NAV2: variants seen among roughly 807,000 people sequenced by gnomAD.
NAV2 encodes the protein neuron navigator 2.
A neutral mutation model predicts 223.2 loss-of-function variants in NAV2; 54 were observed. The ratio of observed to expected loss-of-function variants is 0.24; its 90% CI spans 0.19 to 0.30. The LOEUF is 0.30. Among genes scored for constraint, NAV2 ranks in the 10% least tolerant of loss-of-function variants. The pLI is 1.00. For missense variants in NAV2, 2,806 were observed against 3,147.5 expected, an observed-to-expected ratio of 0.89 and a Z score of 2.60; for synonymous variants, 1,279 against 1,239.3, an observed-to-expected ratio of 1.03 and a Z score of -0.67.
intron 1 of NAV2, among the ~76,000 whole-genome samples, chr11:19,737,173 A>G (rs1476664405): frequency 6.6e-6 from 1 of 152,128 alleles, no homozygotes; most frequent in Non-Finnish European, 1.5e-5. Context: ...GAGGACAGGG[A>G]CTCCTGTGGT....
At chr11:19,675,125 C>G (rs1050207110) in intron 1 of NAV2, among the ~76,000 whole-genome samples, 1 of 152,170 alleles carries the variant, frequency 6.6e-6, no homozygotes, top group Non-Finnish European at 1.5e-5. Context: ...GGATCCTTAG[C>G]ATGGTAAAAA....
chr11:19,753,960 G>T (rs572499446), intron 1 of NAV2, among the ~76,000 whole-genome samples: 81 of 152,312 alleles, frequency 5.3e-4, no homozygotes, highest in African/African-American at 1.8e-3. Flanking sequence ...ATTCATGCCC[G>T]CATGACTATA....
chr11:19,495,799 AT>A (rs1442990050), intron 1 of NAV2, among the ~76,000 whole-genome samples: 1 of 152,214 alleles, frequency 6.6e-6, no homozygotes, highest in African/African-American at 2.4e-5. Flanking sequence ...GTAGAAAAAA[AT>A]AAATCAGAGA....
At chr11:19,752,349 C>G (rs936183055) in intron 1 of NAV2, among the ~76,000 whole-genome samples, 1 of 152,192 alleles carries the variant, frequency 6.6e-6, no homozygotes, top group East Asian at 1.9e-4. Context: ...TTTCTTGGGT[C>G]ATGTCCAGCA....
chr11:20,107,819 G>A (rs1469569236), intron 36 of NAV2, 37 bp downstream of exon 36: 4 of 1,411,426 alleles, frequency 2.8e-6, no homozygotes, highest in Middle Eastern at 1.8e-4. Flanking sequence ...TTGAAGCTGA[G>A]GGGGACTGTT....
At chr11:19,954,557 C>T (rs968895790) in intron 10 of NAV2, among the ~76,000 whole-genome samples, 3 of 152,140 alleles carry the variant, frequency 2.0e-5, no homozygotes, top group African/African-American at 7.2e-5. Context: ...TAAATCATCT[C>T]TAGATTACCT....
chr11:19,980,140 C>T (rs978488894), intron 10 of NAV2, among the ~76,000 whole-genome samples: 3 of 152,172 alleles, frequency 2.0e-5, no homozygotes, highest in South Asian at 4.2e-4. Flanking sequence ...TCATGGGCCA[C>T]CCCAGGGAAG....
At chr11:19,810,377 G>T (rs976763770) in intron 1 of NAV2, among the ~76,000 whole-genome samples, 3 of 152,036 alleles carry the variant, frequency 2.0e-5, no homozygotes, top group Non-Finnish European at 4.4e-5. Context: ...TTTCTCCAAG[G>T]ATCCCTGGTT....
intron 1 of NAV2, among the ~76,000 whole-genome samples, chr11:19,566,249 G>A (rs2045266526): frequency 6.6e-6 from 1 of 151,602 alleles, no homozygotes. Context: ...TTTTTTTGTT[G>A]TTGCTGTTGG....
chr11:19,759,450 C>T (rs1338902892), intron 1 of NAV2, among the ~76,000 whole-genome samples: 1 of 152,102 alleles, frequency 6.6e-6, no homozygotes, highest in African/African-American at 2.4e-5. Flanking sequence ...GAAACTATGG[C>T]TCAGGTATTG....
intron 6 of NAV2, among the ~76,000 whole-genome samples, chr11:19,931,592 A>G (rs2045343572): frequency 6.9e-6 from 1 of 144,432 alleles, no homozygotes; most frequent in Non-Finnish European, 1.5e-5. Context: ...GAACATAGGT[A>G]TTTAAAAAAA....
chr11:19,673,860 A>G (rs1187806484), intron 1 of NAV2, among the ~76,000 whole-genome samples: 1 of 152,136 alleles, frequency 6.6e-6, no homozygotes, highest in East Asian at 1.9e-4. Context: ...GCCCTATTAG[A>G]AACAACAGAC....
At chr11:19,558,358 G>A (rs1356862919) in intron 1 of NAV2, among the ~76,000 whole-genome samples, 1 of 152,180 alleles carries the variant, frequency 6.6e-6, no homozygotes, top group Non-Finnish European at 1.5e-5. Flanking sequence ...CAAATGCATG[G>A]CACCTCAGCT....
At chr11:19,516,045 G>T (rs575924496) in intron 1 of NAV2, among the ~76,000 whole-genome samples, 2 of 152,364 alleles carry the variant, frequency 1.3e-5, no homozygotes, top group South Asian at 2.1e-4. Context: ...TGCAAGTGGA[G>T]AAGTCAAATA....
intron 19 of NAV2, 142 bp downstream of exon 19, chr11:20,056,099 G>T (rs762024021): frequency 1.2e-5 from 9 of 729,830 alleles, no homozygotes; most frequent in Non-Finnish European, 2.0e-5. Flanking sequence ...CACCTACTCT[G>T]GGGGTCAGGG....
At chr11:19,598,217 C>G (rs903859400) in intron 1 of NAV2, among the ~76,000 whole-genome samples, 18 of 152,224 alleles carry the variant, frequency 1.2e-4, no homozygotes, top group African/African-American at 4.3e-4. Flanking sequence ...CACTTCTGAT[C>G]TGCAGTCCAA....
intron 24 of NAV2, among the ~76,000 whole-genome samples, chr11:20,078,776 T>A (rs2059917113): frequency 6.6e-6 from 1 of 152,130 alleles, no homozygotes; most frequent in Non-Finnish European, 1.5e-5. Context: ...CATTTCTAAG[T>A]GAATTATTTT....
chr11:19,688,971 T>G (rs1055498271), intron 1 of NAV2, among the ~76,000 whole-genome samples: 4 of 152,156 alleles, frequency 2.6e-5, no homozygotes, highest in African/African-American at 9.7e-5. Context: ...GATTATTTTT[T>G]CAGAGAGTAG....
At position 20,105,514 on chromosome 11, in the gene NAV2, T is replaced by C. The variant is rs755842083; in HGVS notation, c.6645-17T>C. On this transcript the variant is annotated splice_polypyrimidine_tract_variant and intron_variant, in intron 34 of 37. Coordinates refer to ENST00000349880, the MANE Select transcript of NAV2 (RefSeq NM_145117.5). ...ATCACCATCATCAGCTTGAAAAGTG[T>C]TTCTGACTTCCTCCAGATGGGTGCT... The C allele has an allele frequency of 5.0e-6, 8 of 1,601,886 alleles. No individual in the cohort carries two copies. Among genetic ancestry groups the C allele is most frequent in the Non-Finnish European group, 3.4e-6 (4 of 1,172,594 alleles).
Sources: gnomAD v4.1 joint callset for allele counts (sites outside exome capture counted in the v4.1 genomes callset) on GRCh38, gnomAD v4.1.1 for gene constraint, MANE v1.5 for transcripts, NCBI Gene and HGNC (gene_info 2026-07-23, HGNC 2026-07-21) for gene names.